Variants in CPEB3 observed in about 807,000 individuals in gnomAD.
CPEB3 encodes the protein cytoplasmic polyadenylation element-binding protein 3.
In CPEB3, 20 loss-of-function variants were observed where a neutral mutation model predicts 67.2. That is an observed-to-expected ratio of 0.30 (90% CI 0.21 to 0.43). The LOEUF (loss-of-function observed/expected upper bound fraction) is 0.43, where lower values mean the gene tolerates loss of function less well. Among genes scored for constraint, CPEB3 ranks in the 20% least tolerant of loss-of-function variants. The pLI, the probability that CPEB3 is intolerant of heterozygous loss-of-function variation, is 1.00. For missense variants in CPEB3, 746 were observed against 968.6 expected (o/e 0.77, Z 3.05); for synonymous variants, 376 against 393.1 (o/e 0.96, Z 0.51).
chr10:92,209,148 C>T (rs757206546), intron 2 of CPEB3, among the ~76,000 whole-genome samples: 52 of 152,076 alleles, frequency 3.4e-4, no homozygotes, highest in Non-Finnish European at 5.6e-4. Flanking sequence ...TTAGCACTAA[C>T]GTTTGACAGT....
intron 4 of CPEB3, among the ~76,000 whole-genome samples, chr10:92,178,262 G>A (rs756480063): frequency 2.0e-5 from 3 of 151,414 alleles, no homozygotes; most frequent in Admixed American, 6.6e-5. Flanking sequence ...GGGTTCAGGC[G>A]ATTCTCCTGC....
chr10:92,216,247 C>A, intron 2 of CPEB3: 1 of 1,215,618 alleles, frequency 8.2e-7, no homozygotes, highest in Non-Finnish European at 1.2e-6. Context: ...ATCATACTGG[C>A]CAACATGGTG....
intron 2 of CPEB3, among the ~76,000 whole-genome samples, chr10:92,226,915 C>T (rs1056666940): frequency 5.3e-5 from 8 of 152,152 alleles, no homozygotes; most frequent in African/African-American, 1.7e-4. Flanking sequence ...CCCAGATGTC[C>T]GCCCCCTCCC....
intron 7 of CPEB3, among the ~76,000 whole-genome samples, chr10:92,099,874 A>G (rs1246369651): frequency 6.7e-6 from 1 of 149,856 alleles, no homozygotes; most frequent in Non-Finnish European, 1.5e-5. Context: ...AAAAAGAAGC[A>G]TTTCTGGCCA....
chr10:92,286,152 G>C (rs904009072), intron 1 of CPEB3, among the ~76,000 whole-genome samples: 1 of 151,960 alleles, frequency 6.6e-6, no homozygotes, highest in East Asian at 1.9e-4. Context: ...AGCCAGGATG[G>C]TTTCGATCTC....
At chr10:92,205,803 C>T (rs1055107351) in intron 2 of CPEB3, among the ~76,000 whole-genome samples, 1 of 151,852 alleles carries the variant, frequency 6.6e-6, no homozygotes, top group East Asian at 1.9e-4. Context: ...AATCAAGTAT[C>T]CTTGAAGAAG....
At chr10:92,201,508 A>G (rs1168277997) in intron 2 of CPEB3, among the ~76,000 whole-genome samples, 1 of 151,994 alleles carries the variant, frequency 6.6e-6, no homozygotes, top group Non-Finnish European at 1.5e-5. Context: ...AGTCTGGGCA[A>G]CAGAACAAGA....
intron 2 of CPEB3, among the ~76,000 whole-genome samples, chr10:92,223,660 G>A (rs1317191918): frequency 4.8e-5 from 6 of 125,968 alleles, no homozygotes; most frequent in African/African-American, 5.9e-5. Flanking sequence ...CGCAACCTCC[G>A]CCTTCTGGGT....
intron 7 of CPEB3, 48 bp downstream of exon 7, chr10:92,111,028 A>G (rs112326498): frequency 4.8e-6 from 6 of 1,239,444 alleles, no homozygotes; most frequent in African/African-American, 4.4e-5. Flanking sequence ...AGCTATTCCA[A>G]TAGCATATGT....
chr10:92,290,696 G>A (rs1267624636), intron 1 of CPEB3, among the ~76,000 whole-genome samples: 5 of 152,152 alleles, frequency 3.3e-5, no homozygotes, highest in Admixed American at 6.5e-5. Context: ...CCTCGCGGAG[G>A]TGGTGTAATT....
chr10:92,217,142 A>G (rs1850453996), intron 2 of CPEB3, among the ~76,000 whole-genome samples: 1 of 132,954 alleles, frequency 7.5e-6, no homozygotes, highest in Admixed American at 8.6e-5. Context: ...TGGGAGGCGG[A>G]GGTTACGGTC....
At position 92,240,129 on chromosome 10, in the gene CPEB3, T is replaced by C. The variant is rs768473350; in HGVS notation, c.222A>G (p.Glu74=). 3 of 1,572,632 alleles carry C rather than the reference T, an allele frequency of 1.9e-6. No homozygotes were observed. The highest frequency in any genetic ancestry group is 1.2e-5 in the South Asian group (1 of 86,290). The change falls in exon 2 of 10, where the codon GAA becomes GAG. Residue 74 remains glutamate, a synonymous_variant. Transcript: ENST00000265997. ...APNGPDKMQM[E]SPLLPGLSFH... ...AACTCAAGCCTGGCAGGAGCGGTGA[T>C]TCCATCTGCATCTTGTCCGGGCCGT...
At chr10:92,208,558 G>A (rs1034758040) in intron 2 of CPEB3, among the ~76,000 whole-genome samples, 6 of 149,686 alleles carry the variant, frequency 4.0e-5, no homozygotes, top group African/African-American at 1.2e-4. Flanking sequence ...TGGGCAATGT[G>A]TCTGGCCTCC....
intron 1 of CPEB3, among the ~76,000 whole-genome samples, chr10:92,260,541 A>G (rs1852748098): frequency 6.7e-6 from 1 of 148,392 alleles, no homozygotes. Context: ...ACAAGAGCAA[A>G]ACTCCTTCTC....
At chr10:92,105,488 C>T (rs912372440) in intron 7 of CPEB3, among the ~76,000 whole-genome samples, 4 of 152,118 alleles carry the variant, frequency 2.6e-5, no homozygotes, top group African/African-American at 9.7e-5. Context: ...CCTATACTTC[C>T]ACCCTTCTCT....
At chr10:92,157,219 T>TA (rs1847249808) in intron 4 of CPEB3, among the ~76,000 whole-genome samples, 1 of 152,176 alleles carries the variant, frequency 6.6e-6, no homozygotes, top group African/African-American at 2.4e-5. Flanking sequence ...AACTAGAACT[T>TA]TACTAATACT....
intron 9 of CPEB3, among the ~76,000 whole-genome samples, chr10:92,076,054 T>C (rs1360690982): frequency 6.6e-6 from 1 of 152,178 alleles, no homozygotes; most frequent in Non-Finnish European, 1.5e-5. Flanking sequence ...GCATTGCTGC[T>C]CTGCAGGTGG....
rs542682403 is a variant in CPEB3 at position 92,110,770 on chromosome 10, G to C, written c.1572+306C>G. Among the ~76,000 whole-genome samples, 4 of 152,302 alleles carry C rather than the reference G, an allele frequency of 2.6e-5. No individual in the cohort carries two copies. In the South Asian group the frequency reaches 8.3e-4, roughly 32 times the overall value. On this transcript the variant is annotated intron_variant, in intron 7 of 9. Coordinates refer to ENST00000265997, the MANE Select transcript of CPEB3 (RefSeq NM_014912.5). ...TCTGAAATAATGACGGAAACCAGCTGCCAAAACCGCTAAGAGCATTATTTA... is the reference window on the plus strand; with the variant it reads ...TCTGAAATAATGACGGAAACCAGCTCCCAAAACCGCTAAGAGCATTATTTA...
intron 4 of CPEB3, among the ~76,000 whole-genome samples, chr10:92,172,083 C>T (rs902016394): frequency 6.6e-6 from 1 of 152,008 alleles, no homozygotes. Context: ...ATCCTATGAG[C>T]CTAGGAGTTC....
Sources: allele counts gnomAD v4.1 joint callset (sites outside exome capture counted in the v4.1 genomes callset), GRCh38; gene constraint gnomAD v4.1.1; transcripts MANE v1.5; gene names NCBI Gene and HGNC (gene_info 2026-07-23, HGNC 2026-07-21).